The following HMGN3 variants were observed in gnomAD, a reference collection of about 807,000 sequenced individuals.
The protein encoded by HMGN3 is high mobility group nucleosome-binding domain-containing protein 3.
Under a neutral mutation model 18.8 loss-of-function variants are expected in HMGN3, and 6 were observed. That is an observed-to-expected ratio of 0.32 (90% confidence interval 0.18 to 0.63). HMGN3 has a LOEUF of 0.63. Ranked by LOEUF, HMGN3 falls within the 30% of genes least tolerant of loss-of-function variation. The pLI is 0.79. For missense variants in HMGN3, 107 were observed against 114.2 expected (o/e 0.94, Z 0.29); for synonymous variants, 40 against 36.5 (o/e 1.10, Z -0.35).
intron 4 of HMGN3, among the ~76,000 whole-genome samples, chr6:79,203,128 A>G (rs1776229435): frequency 6.6e-6 from 1 of 152,176 alleles, no homozygotes; most frequent in Non-Finnish European, 1.5e-5. Context: ...CTTATCTGCC[A>G]TACTATAAGG....
chr6:79,202,361 C>A lies in HMGN3; in HGVS notation c.176G>T (p.Gly59Val), dbSNP rs1561980636. 4 of 1,613,740 alleles carry A rather than the reference C, an allele frequency of 2.5e-6. No individual in the cohort carries two copies. The highest frequency in any genetic ancestry group is 3.4e-6 in the Non-Finnish European group (4 of 1,179,796). ...CTTTTCCTCCTTCTTCCCTTTAGCA[C>A]CTCTGCTAATCTTTGCTCCAGGTTC... Residue 59 changes from glycine (G) to valine (V), a missense_variant, in exon 5 of 6, where the codon GGT becomes GTT. Transcript: ENST00000344726.
chr6:79,221,534 A>T (rs535036297), intron 1 of HMGN3, among the ~76,000 whole-genome samples: 18 of 152,352 alleles, frequency 1.2e-4, no homozygotes, highest in Non-Finnish European at 1.8e-4. Flanking sequence ...TGAAGAATCA[A>T]CAAGGTTTGC....
chr6:79,234,535 G>A lies in HMGN3; in HGVS notation c.15+11C>T. The A allele has an allele frequency of 1.2e-6, 2 of 1,610,422 alleles. No homozygotes were observed. The highest frequency in any genetic ancestry group is 1.1e-5 in the South Asian group (1 of 90,764). ...TGAAGGCTTTTGAAATCTTTTTTTG[G>A]TAAGACTTACCTTTCTCTTCGGCAT... On this transcript the variant is annotated intron_variant, in intron 1 of 5. Coordinates refer to ENST00000344726, the Ensembl canonical transcript of HMGN3.
At chr6:79,209,965 T>C (rs958522834) in intron 2 of HMGN3, among the ~76,000 whole-genome samples, 3 of 152,106 alleles carry the variant, frequency 2.0e-5, no homozygotes, top group Non-Finnish European at 4.4e-5. Context: ...GGTTAAGTGA[T>C]TGGGTGGGAT....
intron 3 of HMGN3, among the ~76,000 whole-genome samples, chr6:79,204,981 G>A (rs1042543381): frequency 6.6e-6 from 1 of 152,008 alleles, no homozygotes; most frequent in Non-Finnish European, 1.5e-5. Context: ...ATTATTTTCT[G>A]TAGGACAGAC....
At chr6:79,232,839 C>G (rs935803522) in intron 1 of HMGN3, among the ~76,000 whole-genome samples, 1 of 152,142 alleles carries the variant, frequency 6.6e-6, no homozygotes, top group Admixed American at 6.5e-5. Flanking sequence ...ATGATTAGTT[C>G]CTTTGTCTCT....
At chr6:79,205,438 A>G (rs1442684607) in intron 3 of HMGN3, among the ~76,000 whole-genome samples, 1 of 152,214 alleles carries the variant, frequency 6.6e-6, no homozygotes, top group Admixed American at 6.5e-5. Flanking sequence ...GATGGTTTTA[A>G]TAACAGGAGT....
intron 3 of HMGN3, among the ~76,000 whole-genome samples, chr6:79,205,087 C>T (rs906907239): frequency 4.6e-5 from 7 of 152,136 alleles, no homozygotes; most frequent in Non-Finnish European, 8.8e-5. Flanking sequence ...GGCTCTGTTT[C>T]GGTAGCACAG....
At position 79,226,740 on chromosome 6, in the gene HMGN3, G is replaced by C. The variant is rs1045985237; in HGVS notation, c.15+7806C>G. On this transcript the variant is annotated intron_variant, in intron 1 of 5. Transcript: ENST00000344726. ...AATATTAAATTTTGGAGCCAATTTC[G>C]AAGTTTAAAACCATTTTTCTATCTT... Among the ~76,000 whole-genome samples, 2 of 151,958 alleles carry C rather than the reference G, an allele frequency of 1.3e-5. 1 individual carries two copies. Among genetic ancestry groups the C allele is most frequent in the African/African-American group, 4.8e-5 (2 of 41,378 alleles).
chr6:79,216,274 T>G (rs943995569), intron 1 of HMGN3, among the ~76,000 whole-genome samples: 7 of 152,184 alleles, frequency 4.6e-5, no homozygotes, highest in Non-Finnish European at 4.4e-5. Context: ...CATGTATCAG[T>G]AAATAATAGA....
intron 1 of HMGN3, among the ~76,000 whole-genome samples, chr6:79,217,672 A>C (rs985019740): frequency 6.6e-6 from 1 of 152,196 alleles, no homozygotes; most frequent in African/African-American, 2.4e-5. Flanking sequence ...TTTTGGAAAG[A>C]CCTACCATTA....
At chr6:79,210,552 A>AT (rs1776636092) in intron 2 of HMGN3, among the ~76,000 whole-genome samples, 2 of 152,074 alleles carry the variant, frequency 1.3e-5, no homozygotes, top group South Asian at 4.1e-4. Context: ...TGGCTCCAAT[A>AT]TGTAGCAGGG....
At chr6:79,234,409 A>G in intron 1 of HMGN3, 137 bp downstream of exon 1, 1 of 784,388 alleles carries the variant, frequency 1.3e-6, no homozygotes, top group Non-Finnish European at 2.2e-6. Context: ...ACAGGCATCT[A>G]AAAACAAGCG....
intron 1 of HMGN3, among the ~76,000 whole-genome samples, chr6:79,222,873 A>C (rs1403454473): frequency 6.6e-6 from 1 of 152,204 alleles, no homozygotes; most frequent in East Asian, 1.9e-4. Flanking sequence ...TCAAGATAAA[A>C]GTAGTAATTA....
At chr6:79,207,901 C>T (rs796398399) in intron 3 of HMGN3, among the ~76,000 whole-genome samples, 90 of 152,220 alleles carry the variant, frequency 5.9e-4, no homozygotes, top group African/African-American at 2.1e-3. Context: ...AAATCCTCCA[C>T]TAGAGTCCAG....
intron 1 of HMGN3, among the ~76,000 whole-genome samples, chr6:79,219,064 C>T (rs909216125): frequency 6.6e-6 from 1 of 152,122 alleles, no homozygotes; most frequent in Admixed American, 6.6e-5. Context: ...AAGGCAAAGA[C>T]ATAATGACTA....
chr6:79,203,019 C>G (rs188868963), intron 4 of HMGN3, among the ~76,000 whole-genome samples: 1 of 152,102 alleles, frequency 6.6e-6, no homozygotes, highest in African/African-American at 2.4e-5. Context: ...GGTAAGTTCC[C>G]TAAGAATTCT....
At chr6:79,218,042 A>G (rs529754023) in intron 1 of HMGN3, among the ~76,000 whole-genome samples, 2 of 152,350 alleles carry the variant, frequency 1.3e-5, no homozygotes, top group East Asian at 1.9e-4. Context: ...ATGGTCAAAT[A>G]AAAAGGTCTC....
chr6:79,209,065 G>A (rs972470299), intron 2 of HMGN3, among the ~76,000 whole-genome samples: 13 of 152,140 alleles, frequency 8.5e-5, no homozygotes, highest in Non-Finnish European at 1.8e-4. Flanking sequence ...TGTTAGAAAT[G>A]AAAATGACTA....
Sources: gnomAD v4.1 joint callset for allele counts (sites outside exome capture counted in the v4.1 genomes callset) on GRCh38, gnomAD v4.1.1 for gene constraint, MANE v1.5 for transcripts, NCBI Gene and HGNC (gene_info 2026-07-23, HGNC 2026-07-21) for gene names.